Variants in CKM observed in about 807,000 individuals in gnomAD.
CKM encodes creatine kinase, M-type, also known as creatine kinase M-type.
Under a neutral mutation model 35.4 loss-of-function variants are expected in CKM, and 28 were observed. The observed-to-expected ratio is 0.79, with a 90% CI of 0.59 to 1.08. The LOEUF is 1.08. Ranked by LOEUF, CKM falls within the 50% of genes least tolerant of loss-of-function variation. The pLI is 0.00. For synonymous variants in CKM, 215 were observed against 204.4 expected (o/e 1.05, Z -0.44); for missense variants, 484 against 509.8 (o/e 0.95, Z 0.49).
At chr19:45,317,566 C>T (rs979101341) in intron 3 of CKM, among the ~76,000 whole-genome samples, 1 of 150,478 alleles carries the variant, frequency 6.6e-6, no homozygotes, top group African/African-American at 2.4e-5. Flanking sequence ...GGATTACAGG[C>T]GTGAGCCACC....
chr19:45,317,809 C>T lies in CKM; in HGVS notation c.348+16G>A. On this transcript the variant is annotated intron_variant, in intron 3 of 7. Coordinates refer to ENST00000221476, the MANE Select transcript of CKM (RefSeq NM_001824.5). ...CTCCTCACCCCTCGGCCCTCCCCTC[C>T]TGCGCAGACACCGACCTTGAGGTTT... 6.2e-7 allele frequency: 1 copy of T among 1,614,044 alleles called. No homozygotes were observed. The highest frequency in any genetic ancestry group is 8.5e-7 in the Non-Finnish European group (1 of 1,179,984).
At chr19:45,317,757 C>T in intron 3 of CKM, 68 bp downstream of exon 3, 1 of 1,517,872 alleles carries the variant, frequency 6.6e-7, no homozygotes, top group Non-Finnish European at 9.1e-7. Context: ...TTCTCTGTCT[C>T]CCCCCATTTC....
chr19:45,307,613 A>G lies in CKM; in HGVS notation c.815T>C (p.Met272Thr), dbSNP rs781018931. ...CACGTAGCCCAGGTGCTGGTTCCACATGAAGGGGTGGCCAGCTTTCTTAAA... is the reference window on the plus strand; with the variant it reads ...CACGTAGCCCAGGTGCTGGTTCCACGTGAAGGGGTGGCCAGCTTTCTTAAA... ...EIFKKAGHPF[M>T]WNQHLGYVLT... The change falls in exon 7 of 8, where the codon ATG becomes ACG. Residue 272 changes from methionine (M) to threonine (T), a missense_variant. Physicochemically the swap from Met to Thr is moderately conservative, Grantham distance 81. Coordinates refer to ENST00000221476, the MANE Select transcript of CKM (RefSeq NM_001824.5). The G allele has an allele frequency of 1.9e-6, 3 of 1,613,992 alleles. No individual in the cohort carries two copies. The highest frequency in any genetic ancestry group is 1.1e-5 in the South Asian group (1 of 91,082).
rs373217860 is a variant in CKM at position 45,315,459 on chromosome 19, G to T, written c.481+6C>A. 1.3e-6 allele frequency: 2 copies of T among 1,598,212 alleles called. No homozygotes were observed. Among genetic ancestry groups the T allele is most frequent in the South Asian group, 1.1e-5 (1 of 90,882 alleles). ...CCCCAGCAGTGGACGGGGTAGGGGCGCTCACCTTCCACAGAGAGCTTCTCC... is the reference window on the plus strand; with the variant it reads ...CCCCAGCAGTGGACGGGGTAGGGGCTCTCACCTTCCACAGAGAGCTTCTCC... On this transcript the variant is annotated splice_donor_region_variant and intron_variant, in intron 4 of 7. Coordinates refer to ENST00000221476, the MANE Select transcript of CKM (RefSeq NM_001824.5).
At chr19:45,320,414 A>G (rs2123146791) in intron 1 of CKM, among the ~76,000 whole-genome samples, 1 of 152,340 alleles carries the variant, frequency 6.6e-6, no homozygotes, top group South Asian at 2.1e-4. Flanking sequence ...CATCTTGCAG[A>G]CAGCAGCAAG....
At chr19:45,312,434 T>C (rs1165227308) in intron 4 of CKM, among the ~76,000 whole-genome samples, 1 of 151,984 alleles carries the variant, frequency 6.6e-6, no homozygotes, top group Non-Finnish European at 1.5e-5. Flanking sequence ...TTTTTTTTTT[T>C]TTTATGAGAC....
rs1408296065 is a variant in CKM at position 45,319,722 on chromosome 19, T to C, written c.-9A>G. On this transcript the variant is annotated 5_prime_UTR_variant, in exon 2 of 8. Coordinates refer to ENST00000221476, the MANE Select transcript of CKM (RefSeq NM_001824.5). ...GTGTTACCGAATGGCATGGTGGCGG[T>C]GTAGGAGACCTGATGGGCAGGGCAG... 2 of 1,613,832 alleles carry C rather than the reference T, an allele frequency of 1.2e-6. No individual in the cohort carries two copies. The highest frequency in any genetic ancestry group is 2.7e-5 in the African/African-American group (2 of 74,886).
Position 45,311,846 on chromosome 19 carries a change from G to A in CKM, c.556C>T (p.Gln186Ter). 6.2e-7 allele frequency: 1 copy of A among 1,613,810 alleles called. No individual in the cohort carries two copies. Among genetic ancestry groups the A allele is most frequent in the Non-Finnish European group, 8.5e-7 (1 of 1,179,918 alleles). Residue 186 changes from glutamine to a stop codon, truncating the protein, a stop_gained, in exon 5 of 8, where the codon CAG becomes TAG. Transcript: ENST00000221476. LOFTEE classifies it high-confidence loss of function. ...LKSMTEKEQQQLIDDHFLFDK... is the reference protein window; with the variant it reads ...LKSMTEKEQQ ...AACAGGAAGTGGTCATCGATGAGCT[G>A]CTGCTGCTCCTTCTCCGTCATGCTC...
rs532081631 is a variant in CKM at position 45,319,524 on chromosome 19, G to T, written c.190C>A (p.Pro64Thr). ...DDVIQTGVDN[P>T]GHPFIMTVGC... ...GTGCTCCACTGGGGAGGCTCACCTG[G>T]GTTGTCCACTCCTGTCTGGATGACA... The change falls in exon 2 of 8, where the codon CCA becomes ACA. Residue 64 changes from proline to threonine, a missense_variant. Coordinates refer to ENST00000221476, the MANE Select transcript of CKM (RefSeq NM_001824.5). 10 of 1,613,836 alleles carry T rather than the reference G, an allele frequency of 6.2e-6. No homozygotes were observed. Among genetic ancestry groups the T allele is most frequent in the African/African-American group, 1.3e-5 (1 of 75,024 alleles).
intron 5 of CKM, among the ~76,000 whole-genome samples, chr19:45,310,239 G>A (rs1182490645): frequency 4.0e-5 from 6 of 148,614 alleles, no homozygotes; most frequent in African/African-American, 1.0e-4. Flanking sequence ...TCCTGCCTCA[G>A]CCTCACGAGT....
chr19:45,313,667 C>T (rs530369503), intron 4 of CKM, among the ~76,000 whole-genome samples: 43 of 152,150 alleles, frequency 2.8e-4, no homozygotes, highest in African/African-American at 8.7e-4. Flanking sequence ...GCCAAGATGG[C>T]GAAACCCCGA....
At chr19:45,316,694 GTCTC>G (rs1168923652) in intron 3 of CKM, among the ~76,000 whole-genome samples, 1 of 151,522 alleles carries the variant, frequency 6.6e-6, no homozygotes, top group Non-Finnish European at 1.5e-5. Flanking sequence ...AACTGCGTGT[GTCTC>G]TCTCTCCCTG....
chr19:45,308,435 G>C lies in CKM; in HGVS notation c.751C>G (p.Arg251Gly). ...EKGGNMKEVF[R>G]RFCVGLQKIE... ...TTCTGCAGCCCTACGCAGAAGCGGC[G>C]GAAAACCTCCTTCATGTTGCCCCCC... Residue 251 changes from arginine to glycine, a missense_variant, in exon 6 of 8, where the codon CGC (arginine) becomes GGC (glycine). Coordinates refer to ENST00000221476, the MANE Select transcript of CKM (RefSeq NM_001824.5). The C allele has an allele frequency of 6.2e-7, 1 of 1,614,164 alleles. No homozygotes were observed. Among genetic ancestry groups the C allele is most frequent in the Non-Finnish European group, 8.5e-7 (1 of 1,180,032 alleles).
intron 1 of CKM, among the ~76,000 whole-genome samples, chr19:45,320,344 G>A (rs1409810330): frequency 6.6e-6 from 1 of 151,720 alleles, no homozygotes; most frequent in Non-Finnish European, 1.5e-5. Context: ...TGATCCACCC[G>A]CCTCGGCCTC....
chr19:45,320,624 T>G (rs1415909193), intron 1 of CKM, among the ~76,000 whole-genome samples: 1 of 152,080 alleles, frequency 6.6e-6, no homozygotes, highest in Admixed American at 6.6e-5. Context: ...AACGGGCCCC[T>G]CCCGGAGGCT....
chr19:45,309,859 T>C (rs1391843687), intron 5 of CKM, among the ~76,000 whole-genome samples: 1 of 152,030 alleles, frequency 6.6e-6, no homozygotes, highest in Non-Finnish European at 1.5e-5. Flanking sequence ...TGAGAGTCCA[T>C]CTCAAAATAA....
At position 45,317,843 on chromosome 19, in the gene CKM, G is replaced by A. The variant is rs373212762; in HGVS notation, c.330C>T (p.Leu110=). Residue 110 remains leucine (L), a synonymous_variant, in exon 3 of 8, where the codon CTC becomes CTT. Coordinates refer to ENST00000221476, the MANE Select transcript of CKM (RefSeq NM_001824.5). ...YKPTDKHKTD[L]NHENLKGGDD... ...CACCGACCTTGAGGTTTTCATGGTT[G>A]AGGTCAGTCTTGTGCTTGTCAGTGG... is the stretch of plus-strand genomic sequence containing the variant. 6.2e-7 allele frequency: 1 copy of A among 1,614,056 alleles called. No homozygotes were observed. Among genetic ancestry groups the A allele is most frequent in the East Asian group, 2.2e-5 (1 of 44,882 alleles).
intron 1 of CKM, among the ~76,000 whole-genome samples, chr19:45,321,401 C>T (rs991218384): frequency 6.6e-6 from 1 of 152,104 alleles, no homozygotes; most frequent in Non-Finnish European, 1.5e-5. Context: ...AAAAGCTCAG[C>T]CTCTGGGTCG....
chr19:45,313,338 C>T (rs1971127514), intron 4 of CKM, among the ~76,000 whole-genome samples: 2 of 152,162 alleles, frequency 1.3e-5, no homozygotes, highest in Non-Finnish European at 2.9e-5. Context: ...GGGGTGCCAC[C>T]GACCTTGCCC....
Sources: gnomAD v4.1 joint callset for allele counts (sites outside exome capture counted in the v4.1 genomes callset) on GRCh38, gnomAD v4.1.1 for gene constraint, MANE v1.5 for transcripts, NCBI Gene and HGNC (gene_info 2026-07-23, HGNC 2026-07-21) for gene names.